The following CNBD1 variants were observed in gnomAD, a reference collection of about 807,000 sequenced individuals.
CNBD1 encodes cyclic nucleotide binding domain containing 1, also known as cyclic nucleotide-binding domain-containing protein 1.
CNBD1 carries 71 observed loss-of-function variants against 54.4 expected under a neutral mutation model. That is an observed-to-expected ratio of 1.30 (90% CI 1.08 to 1.59). The LOEUF is 1.59. Ranked by LOEUF, CNBD1 falls within the 40% of genes most tolerant of loss-of-function variation. The probability of loss-of-function intolerance (pLI) is 0.00; values close to 1 mark genes in which losing one functional copy is unlikely to be tolerated. For synonymous variants in CNBD1, 182 were observed against 170.7 expected (o/e 1.07, Z -0.51); for missense variants, 659 against 518.0 (o/e 1.27, Z -2.64).
intron 3 of CNBD1, among the ~76,000 whole-genome samples, chr8:86,919,150 A>G (rs1809233885): frequency 6.6e-6 from 1 of 152,172 alleles, no homozygotes; most frequent in African/African-American, 2.4e-5. Flanking sequence ...AACCCTAACT[A>G]TAGAAGACAA....
chr8:87,327,153 C>G (rs1297770065), intron 8 of CNBD1, among the ~76,000 whole-genome samples: 1 of 141,312 alleles, frequency 7.1e-6, no homozygotes, highest in Non-Finnish European at 1.6e-5. Context: ...AGGAGGCAGT[C>G]TGCCCGTTCT....
intron 4 of CNBD1, among the ~76,000 whole-genome samples, chr8:87,011,355 G>A (rs139681381): frequency 1.3e-5 from 2 of 152,082 alleles, no homozygotes; most frequent in South Asian, 2.1e-4. Context: ...AAGTGGCAAA[G>A]ACCATTTGGG....
intron 8 of CNBD1, among the ~76,000 whole-genome samples, chr8:87,348,349 G>T (rs17631942): frequency 0.044 from 6,660 of 152,144 alleles, 189 homozygotes; most frequent in Non-Finnish European, 0.06. Flanking sequence ...CATGGTATTC[G>T]CATTGGTATG....
At chr8:87,253,221 C>A (rs1807945126) in intron 6 of CNBD1, among the ~76,000 whole-genome samples, 1 of 152,114 alleles carries the variant, frequency 6.6e-6, no homozygotes. Context: ...TGCCCTTTAC[C>A]CCAAGACTGG....
chr8:87,207,766 TAAAATATGAATTTTCAATCTTTCACAAG>T lies in CNBD1; in HGVS notation c.577+1629_577+1656del, dbSNP rs570608076. Among the ~76,000 whole-genome samples, 1,004 of 152,336 alleles carry T rather than the reference TAAAATATGAATTTTCAATCTTTCACAAG, an allele frequency of 6.6e-3. 4 individuals are homozygous for T. Among genetic ancestry groups the T allele is most frequent in the Non-Finnish European group, 8.4e-3 (574 of 68,026 alleles). On this transcript the variant is annotated intron_variant, in intron 5 of 10. Coordinates refer to ENST00000518476, the MANE Select transcript of CNBD1 (RefSeq NM_173538.3). ...CACCTTAACTCACGTGATTGACGAT[TAAAATATGAATTTTCAATCTTTCACAAG>T]TGTCAGGTATTCCAACTTGCATTTC... is the stretch of plus-strand genomic sequence containing the variant.
At chr8:87,236,503 T>C (rs1267720367) in intron 5 of CNBD1, among the ~76,000 whole-genome samples, 1 of 152,012 alleles carries the variant, frequency 6.6e-6, no homozygotes, top group African/African-American at 2.4e-5. Flanking sequence ...AAATTAAGGG[T>C]AGGTATATAT....
At chr8:87,241,604 G>A (rs1202538270) in intron 6 of CNBD1, among the ~76,000 whole-genome samples, 6 of 152,114 alleles carry the variant, frequency 3.9e-5, no homozygotes, top group Admixed American at 6.6e-5. Flanking sequence ...AACAATGAAA[G>A]TGTCTAGCAG....
intron 10 of CNBD1, among the ~76,000 whole-genome samples, chr8:87,359,798 G>T (rs1412938401): frequency 6.6e-6 from 1 of 151,934 alleles, no homozygotes; most frequent in Admixed American, 6.6e-5. Context: ...ATGTCATCTT[G>T]CTATCAAGTG....
chr8:86,926,751 C>T (rs1809367744), intron 3 of CNBD1, among the ~76,000 whole-genome samples: 1 of 152,160 alleles, frequency 6.6e-6, no homozygotes, highest in Non-Finnish European at 1.5e-5. Flanking sequence ...GCCAAAGACT[C>T]CACCTGGGAT....
intron 8 of CNBD1, among the ~76,000 whole-genome samples, chr8:87,327,444 G>A (rs1258317003): frequency 6.6e-6 from 1 of 152,204 alleles, no homozygotes; most frequent in Non-Finnish European, 1.5e-5. Context: ...TGCTGTGCTA[G>A]CAATCAGCGA....
chr8:87,090,476 T>C (rs141503360), intron 4 of CNBD1, among the ~76,000 whole-genome samples: 73 of 152,344 alleles, frequency 4.8e-4, no homozygotes, highest in African/African-American at 1.7e-3. Flanking sequence ...TTAACGACTA[T>C]GCATTTTTAG....
intron 6 of CNBD1, among the ~76,000 whole-genome samples, chr8:87,267,749 T>G (rs934743811): frequency 6.6e-6 from 1 of 152,156 alleles, no homozygotes; most frequent in Non-Finnish European, 1.5e-5. Flanking sequence ...TGGGAGAAAT[T>G]TGGTTTCTTT....
chr8:87,377,929 T>C (rs1196791585), intron 10 of CNBD1, among the ~76,000 whole-genome samples: 1 of 149,300 alleles, frequency 6.7e-6, no homozygotes, highest in Non-Finnish European at 1.5e-5. Context: ...TTTCATGTGT[T>C]TTTTGGCTGC....
chr8:87,320,760 C>T (rs1809508705), intron 8 of CNBD1, among the ~76,000 whole-genome samples: 1 of 152,010 alleles, frequency 6.6e-6, no homozygotes, highest in Non-Finnish European at 1.5e-5. Flanking sequence ...ATTTTATGTG[C>T]ACATTACAGC....
intron 8 of CNBD1, among the ~76,000 whole-genome samples, chr8:87,300,573 CAT>C: frequency 6.6e-6 from 1 of 152,234 alleles, no homozygotes; most frequent in East Asian, 1.9e-4. Context: ...TATAAAATGA[CAT>C]ATATAGCTTA....
intron 4 of CNBD1, among the ~76,000 whole-genome samples, chr8:86,979,304 G>A (rs1808413962): frequency 6.8e-6 from 1 of 146,450 alleles, no homozygotes; most frequent in South Asian, 2.2e-4. Flanking sequence ...GGTGGCTCAT[G>A]CTTGTAATCC....
chr8:87,125,808 T>C (rs1177365972), intron 4 of CNBD1, among the ~76,000 whole-genome samples: 1 of 151,864 alleles, frequency 6.6e-6, no homozygotes, highest in Non-Finnish European at 1.5e-5. Context: ...CTCATATCTC[T>C]TTTTAATCCC....
At chr8:87,328,959 C>G (rs1426376813) in intron 8 of CNBD1, among the ~76,000 whole-genome samples, 3 of 152,008 alleles carry the variant, frequency 2.0e-5, no homozygotes, top group Non-Finnish European at 4.4e-5. Context: ...TTTGTATAGT[C>G]ATTACCAAAC....
chr8:87,183,297 C>T (rs1462854660), intron 4 of CNBD1, among the ~76,000 whole-genome samples: 1 of 150,888 alleles, frequency 6.6e-6, no homozygotes, highest in Admixed American at 6.6e-5. Context: ...GTTTTGGTTG[C>T]TGTAGGCTTG....
Sources: allele counts gnomAD v4.1 joint callset (sites outside exome capture counted in the v4.1 genomes callset), GRCh38; gene constraint gnomAD v4.1.1; transcripts MANE v1.5; gene names NCBI Gene and HGNC (gene_info 2026-07-23, HGNC 2026-07-21).